Variants in RBMS3 observed in about 807,000 individuals in gnomAD.
The protein encoded by RBMS3 is RNA binding motif single stranded interacting protein 3.
In RBMS3, 27 loss-of-function variants were observed where a neutral mutation model predicts 66.8. The observed-to-expected ratio is 0.40, with a 90% CI of 0.30 to 0.56. The LOEUF (loss-of-function observed/expected upper bound fraction) is 0.56, where lower values mean the gene tolerates loss of function less well. RBMS3 is among the 20% of genes least tolerant of loss of function. The pLI is 0.40. For missense variants in RBMS3, 513 were observed against 549.5 expected (o/e 0.93, Z 0.66); for synonymous variants, 188 against 183.0 (o/e 1.03, Z -0.22).
chr3:29,354,737 T>C (rs960693883), intron 1 of RBMS3, among the ~76,000 whole-genome samples: 1 of 152,072 alleles, frequency 6.6e-6, no homozygotes, highest in Non-Finnish European at 1.5e-5. Context: ...GGACACCTAA[T>C]AGAGTGGATA....
At chr3:29,568,171 A>T (rs1341808688) in intron 3 of RBMS3, among the ~76,000 whole-genome samples, 1 of 152,192 alleles carries the variant, frequency 6.6e-6, no homozygotes, top group African/African-American at 2.4e-5. Context: ...ACTTTTTTAA[A>T]GAGATGAATT....
At chr3:29,481,669 G>C (rs2125819948) in intron 2 of RBMS3, among the ~76,000 whole-genome samples, 2 of 152,308 alleles carry the variant, frequency 1.3e-5, no homozygotes, top group African/African-American at 4.8e-5. Context: ...GAAGGAGACT[G>C]AGTGAGTGAA....
intron 4 of RBMS3, among the ~76,000 whole-genome samples, chr3:29,737,883 T>C (rs2054453691): frequency 9.2e-6 from 1 of 108,816 alleles, no homozygotes; most frequent in Non-Finnish European, 1.9e-5. Flanking sequence ...TATGTATGTC[T>C]GTGACAGAGA....
chr3:30,008,552 C>A lies in RBMS3; in HGVS notation c.*4690C>A, dbSNP rs1332027279. The A allele has an allele frequency of 2.6e-5, 4 of 152,048 alleles. No individual in the cohort carries two copies. Among genetic ancestry groups the A allele is most frequent in the Non-Finnish European group, 4.4e-5 (3 of 67,962 alleles). The allele number at this position is 152,048 out of a possible 1,614,324, so 9.4% of individuals were successfully genotyped here. A position where few individuals can be genotyped will look rare whatever the true frequency, so the allele number is the denominator to read the frequency against. On this transcript the variant is annotated 3_prime_UTR_variant, in exon 15 of 15. Transcript: ENST00000383767. ...GATTTTGTCTTTCATGTTATTGTAGCTGGCATGCTTCAAAATTTTGAGCTT... is the reference window on the plus strand; with the variant it reads ...GATTTTGTCTTTCATGTTATTGTAGATGGCATGCTTCAAAATTTTGAGCTT...
At chr3:29,978,602 G>A (rs1203939391) in intron 12 of RBMS3, among the ~76,000 whole-genome samples, 6 of 151,584 alleles carry the variant, frequency 4.0e-5, no homozygotes, top group African/African-American at 1.2e-4. Context: ...AAGGTAGCTC[G>A]CCTGGAAGAA....
At chr3:29,456,567 A>C (rs1275834617) in intron 2 of RBMS3, among the ~76,000 whole-genome samples, 1 of 152,204 alleles carries the variant, frequency 6.6e-6, no homozygotes, top group Admixed American at 6.5e-5. Flanking sequence ...TATTCATACT[A>C]TGTGGGATTA....
intron 12 of RBMS3, among the ~76,000 whole-genome samples, chr3:29,960,137 A>G (rs1480168947): frequency 2.0e-5 from 3 of 152,242 alleles, no homozygotes. Flanking sequence ...ATCAAAGGCA[A>G]GTTAGTTACT....
chr3:29,597,846 T>A (rs968202336), intron 4 of RBMS3, among the ~76,000 whole-genome samples: 3 of 152,100 alleles, frequency 2.0e-5, no homozygotes, highest in Non-Finnish European at 4.4e-5. Flanking sequence ...TTCATACTCA[T>A]GAATTACTTT....
At chr3:29,612,785 C>G (rs752703716) in intron 4 of RBMS3, among the ~76,000 whole-genome samples, 1 of 152,108 alleles carries the variant, frequency 6.6e-6, no homozygotes, top group Non-Finnish European at 1.5e-5. Context: ...CCAGTAGTCA[C>G]ACATCATAAA....
chr3:29,573,627 T>G (rs987521718), intron 3 of RBMS3, among the ~76,000 whole-genome samples: 1 of 152,168 alleles, frequency 6.6e-6, no homozygotes, highest in Admixed American at 6.5e-5. Flanking sequence ...CATACTTGCA[T>G]TTTTAGTTCT....
chr3:29,925,770 G>A (rs60761118), intron 10 of RBMS3, among the ~76,000 whole-genome samples: 1 of 152,156 alleles, frequency 6.6e-6, no homozygotes, highest in Non-Finnish European at 1.5e-5. Context: ...GTTCACCTGA[G>A]ATTCTGTACT....
intron 12 of RBMS3, among the ~76,000 whole-genome samples, chr3:29,952,401 T>C (rs989126852): frequency 1.3e-5 from 2 of 151,874 alleles, no homozygotes; most frequent in Non-Finnish European, 2.9e-5. Flanking sequence ...ATATATTATG[T>C]TTCTTGCATG....
chr3:29,367,982 G>C (rs764042733), intron 1 of RBMS3, among the ~76,000 whole-genome samples: 1 of 152,100 alleles, frequency 6.6e-6, no homozygotes, highest in Non-Finnish European at 1.5e-5. Flanking sequence ...ATAGAAATAA[G>C]GGAAACATTG....
intron 1 of RBMS3, among the ~76,000 whole-genome samples, chr3:29,359,233 T>C (rs2125576407): frequency 6.6e-6 from 1 of 152,324 alleles, no homozygotes; most frequent in East Asian, 1.9e-4. Context: ...CAATACCTAA[T>C]TTATTGAGAG....
chr3:29,771,648 A>G (rs2056204401), intron 6 of RBMS3, among the ~76,000 whole-genome samples: 1 of 152,026 alleles, frequency 6.6e-6, no homozygotes, highest in South Asian at 2.1e-4. Flanking sequence ...CATTGATATA[A>G]AGAACTACCT....
intron 2 of RBMS3, among the ~76,000 whole-genome samples, chr3:29,471,540 A>G (rs145323546): frequency 1.2e-3 from 182 of 152,292 alleles, no homozygotes; most frequent in African/African-American, 4.2e-3. Context: ...TGTAATGCAC[A>G]TCTGTAACCA....
At chr3:29,396,342 G>A (rs556860544) in intron 1 of RBMS3, among the ~76,000 whole-genome samples, 2 of 152,248 alleles carry the variant, frequency 1.3e-5, no homozygotes, top group South Asian at 2.1e-4. Context: ...TCCAGGTTAA[G>A]GGGGACAAAA....
chr3:29,730,701 A>G (rs184760715), intron 4 of RBMS3, among the ~76,000 whole-genome samples: 12 of 152,288 alleles, frequency 7.9e-5, no homozygotes, highest in Non-Finnish European at 2.9e-5. Flanking sequence ...CTTTCTGAGC[A>G]GTGAATTAAA....
intron 4 of RBMS3, 91 bp downstream of exon 4, chr3:29,587,296 T>A: frequency 9.3e-6 from 6 of 648,330 alleles, no homozygotes; most frequent in Non-Finnish European, 1.1e-5. Flanking sequence ...GAGAGAGAGA[T>A]CAGGAGGAAG....
Sources: allele counts gnomAD v4.1 joint callset (sites outside exome capture counted in the v4.1 genomes callset), GRCh38; gene constraint gnomAD v4.1.1; transcripts MANE v1.5; gene names NCBI Gene and HGNC (gene_info 2026-07-23, HGNC 2026-07-21).